Variants in GPM6A observed in about 807,000 individuals in gnomAD.
The protein encoded by GPM6A is neuronal membrane glycoprotein M6-a.
Under a neutral mutation model 32.1 loss-of-function variants are expected in GPM6A, and 7 were observed. The observed-to-expected ratio is 0.22, with a 90% CI of 0.12 to 0.41. The LOEUF is 0.41. Among genes scored for constraint, GPM6A ranks in the 10% least tolerant of loss-of-function variants. The pLI, the probability that GPM6A is intolerant of heterozygous loss-of-function variation, is 1.00. For synonymous variants in GPM6A, 130 were observed against 123.4 expected, an observed-to-expected ratio of 1.05 and a Z score of -0.35; for missense variants, 235 against 347.2, an observed-to-expected ratio of 0.68 and a Z score of 2.57.
intron 1 of GPM6A, among the ~76,000 whole-genome samples, chr4:175,889,719 A>G (rs111466625): frequency 3.5e-4 from 54 of 152,208 alleles, no homozygotes; most frequent in African/African-American, 1.2e-3. Context: ...AGGCTGAGGC[A>G]GGAGAATGGC....
At chr4:175,917,959 T>C (rs1286490292) in intron 1 of GPM6A, among the ~76,000 whole-genome samples, 1 of 152,116 alleles carries the variant, frequency 6.6e-6, no homozygotes. Flanking sequence ...AAACAGTTTT[T>C]AAAAAGTCTA....
chr4:175,665,496 G>C (rs982412180), intron 3 of GPM6A, among the ~76,000 whole-genome samples: 17 of 152,010 alleles, frequency 1.1e-4, no homozygotes, highest in African/African-American at 3.9e-4. Context: ...TAAAAGCATT[G>C]GACGGCCGTG....
intron 1 of GPM6A, among the ~76,000 whole-genome samples, chr4:176,002,026 G>A (rs551319222): frequency 5.9e-5 from 9 of 152,262 alleles, no homozygotes; most frequent in African/African-American, 2.2e-4. Flanking sequence ...CCTGGGGCCG[G>A]CGCAGAGGAT....
chr4:175,914,414 C>T (rs1341370065), intron 1 of GPM6A, among the ~76,000 whole-genome samples: 8 of 151,306 alleles, frequency 5.3e-5, no homozygotes, highest in African/African-American at 1.7e-4. Context: ...CTCTGCCTCC[C>T]GGGTTCAAGT....
At chr4:175,697,318 T>C (rs889239123) in intron 2 of GPM6A, among the ~76,000 whole-genome samples, 4 of 152,158 alleles carry the variant, frequency 2.6e-5, no homozygotes, top group African/African-American at 9.7e-5. Flanking sequence ...ACCCTACTTC[T>C]TACTTAGTTT....
intron 1 of GPM6A, among the ~76,000 whole-genome samples, chr4:175,742,605 G>T (rs570057457): frequency 1.4e-4 from 21 of 152,052 alleles, no homozygotes; most frequent in Admixed American, 3.3e-4. Context: ...TACATTTAAG[G>T]CTCGGTTACT....
chr4:175,894,384 A>G (rs1238213546), intron 1 of GPM6A, among the ~76,000 whole-genome samples: 1 of 152,180 alleles, frequency 6.6e-6, no homozygotes, highest in African/African-American at 2.4e-5. Context: ...GTGCTAAAGA[A>G]CAATTGCTCT....
intron 6 of GPM6A, 113 bp from the exon 7 acceptor site, chr4:175,635,170 A>G (rs1740507567): frequency 1.3e-6 from 1 of 758,398 alleles, no homozygotes. Context: ...ATGTTCACAT[A>G]TAAAATGGAA....
At chr4:175,682,387 GA>G (rs199705522) in intron 2 of GPM6A, among the ~76,000 whole-genome samples, 2,477 of 151,430 alleles carry the variant, frequency 0.016, 57 homozygotes, top group African/African-American at 0.054. Flanking sequence ...GTGGCAAGAG[GA>G]AAAAAAAAGT....
chr4:175,848,428 A>G (rs1447514994), intron 1 of GPM6A, among the ~76,000 whole-genome samples: 1 of 152,148 alleles, frequency 6.6e-6, no homozygotes, highest in Non-Finnish European at 1.5e-5. Context: ...TTTTATACCT[A>G]CATTTGAAAA....
At chr4:175,925,846 T>TTTTC (rs200010439) in intron 1 of GPM6A, among the ~76,000 whole-genome samples, 4,836 of 146,088 alleles carry the variant, frequency 0.033, 296 homozygotes, top group African/African-American at 0.12. Context: ...TTTTCTTTTC[T>TTTTC]TTTCTTTTTT....
intron 1 of GPM6A, among the ~76,000 whole-genome samples, chr4:175,741,461 G>A (rs1731883959): frequency 2.0e-5 from 3 of 152,136 alleles, no homozygotes; most frequent in East Asian, 3.9e-4. Flanking sequence ...GGATATAATT[G>A]CTAATGGAAG....
intron 1 of GPM6A, among the ~76,000 whole-genome samples, chr4:175,756,963 T>C (rs1357292696): frequency 6.6e-6 from 1 of 151,882 alleles, no homozygotes; most frequent in Non-Finnish European, 1.5e-5. Context: ...TATGGGGCAA[T>C]GGGTGGGTTT....
At chr4:175,707,225 C>T (rs1254400271) in intron 1 of GPM6A, among the ~76,000 whole-genome samples, 1 of 152,236 alleles carries the variant, frequency 6.6e-6, no homozygotes, top group Non-Finnish European at 1.5e-5. Context: ...GCTCTATGGG[C>T]TTGCCCTGAA....
intron 1 of GPM6A, among the ~76,000 whole-genome samples, chr4:175,923,215 TTATATA>T (rs201557656): frequency 9.3e-4 from 25 of 26,742 alleles, no homozygotes; most frequent in African/African-American, 1.9e-3. Context: ...ATAACATGAT[TTATATA>T]TATATATATA....
chr4:175,720,169 T>G (rs1200234247), intron 1 of GPM6A, among the ~76,000 whole-genome samples: 2 of 152,160 alleles, frequency 1.3e-5, no homozygotes, highest in Admixed American at 1.3e-4. Context: ...AAAATAAAGG[T>G]TTCCAGAGAG....
At chr4:175,826,956 C>T (rs1735458762) in intron 1 of GPM6A, among the ~76,000 whole-genome samples, 1 of 152,182 alleles carries the variant, frequency 6.6e-6, no homozygotes, top group East Asian at 1.9e-4. Flanking sequence ...TCTACTTCCT[C>T]AAATACAGAA....
intron 1 of GPM6A, among the ~76,000 whole-genome samples, chr4:175,830,138 G>A (rs1318762309): frequency 6.6e-6 from 1 of 152,008 alleles, no homozygotes; most frequent in African/African-American, 2.4e-5. Flanking sequence ...ATATGGAGAG[G>A]TGGGGGCATG....
At chr4:176,001,395 C>G (rs1361135345) in intron 1 of GPM6A, among the ~76,000 whole-genome samples, 2 of 152,200 alleles carry the variant, frequency 1.3e-5, no homozygotes, top group Non-Finnish European at 2.9e-5. Context: ...ATACGCCAGT[C>G]CAGGGATGGC....
Sources: gnomAD v4.1 joint callset for allele counts (sites outside exome capture counted in the v4.1 genomes callset) on GRCh38, gnomAD v4.1.1 for gene constraint, MANE v1.5 for transcripts, NCBI Gene and HGNC (gene_info 2026-07-23, HGNC 2026-07-21) for gene names.